NAALADL2: variants seen among roughly 807,000 people sequenced by gnomAD.
The protein encoded by NAALADL2 is N-acetylated alpha-linked acidic dipeptidase like 2.
In NAALADL2, 76 loss-of-function variants were observed where a neutral mutation model predicts 87.2. The ratio of observed to expected loss-of-function variants is 0.87; its 90% confidence interval spans 0.72 to 1.05. The LOEUF (loss-of-function observed/expected upper bound fraction) is 1.05. Ranked by LOEUF, NAALADL2 falls within the 50% of genes least tolerant of loss-of-function variation. The pLI, the probability that NAALADL2 is intolerant of heterozygous loss-of-function variation, is 0.00. For missense variants in NAALADL2, 1,089 were observed against 945.8 expected (o/e 1.15, Z -1.99); for synonymous variants, 354 against 331.0 (o/e 1.07, Z -0.75).
chr3:175,131,830 C>G lies in NAALADL2; in HGVS notation c.545+34539C>G, dbSNP rs1454052594. Among the ~76,000 whole-genome samples the G allele has an allele frequency of 8.3e-5, 11 of 131,872 alleles. No homozygotes were observed. In the East Asian group the frequency reaches 2.3e-3, roughly 27 times the overall value. The allele number at this position is 131,872 out of a possible 152,430, so 86.5% of individuals were successfully genotyped here. On this transcript the variant is annotated intron_variant, in intron 2 of 13. Transcript: ENST00000454872. Reference sequence around the variant, plus strand: ...CTGGCCGGGCGGGGGGCTGACCCCCCCCACCTCCCTCCCGGACGGGGCGGC... The same window carrying G: ...CTGGCCGGGCGGGGGGCTGACCCCCGCCACCTCCCTCCCGGACGGGGCGGC...
chr3:174,781,109 CA>C (rs1030776156), intron 3 of NAALADL2, among the ~76,000 whole-genome samples: 1 of 152,034 alleles, frequency 6.6e-6, no homozygotes, highest in African/African-American at 2.4e-5. Context: ...TATTGGCCCC[CA>C]CTCTCTTCTG....
At chr3:175,292,146 T>A (rs1426258727) in intron 4 of NAALADL2, among the ~76,000 whole-genome samples, 1 of 152,222 alleles carries the variant, frequency 6.6e-6, no homozygotes, top group African/African-American at 2.4e-5. Context: ...GTTTGTCATT[T>A]GAGTAAATGC....
chr3:175,007,858 C>T (rs1038897480), intron 1 of NAALADL2, among the ~76,000 whole-genome samples: 4 of 152,136 alleles, frequency 2.6e-5, no homozygotes, highest in African/African-American at 9.7e-5. Context: ...ATCGTCACTA[C>T]TGTTATGCTT....
intron 1 of NAALADL2, among the ~76,000 whole-genome samples, chr3:175,012,001 A>C (rs1749890200): frequency 6.6e-6 from 1 of 152,158 alleles, no homozygotes; most frequent in African/African-American, 2.4e-5. Context: ...AATCTTTAGG[A>C]AAAGCACAAG....
intron 1 of NAALADL2, among the ~76,000 whole-genome samples, chr3:175,039,726 TTCTA>T (rs2108961259): frequency 6.6e-6 from 1 of 152,296 alleles, no homozygotes; most frequent in African/African-American, 2.4e-5. Flanking sequence ...GTGTAGGAAA[TTCTA>T]TCTGTGAAGG....
At chr3:175,604,720 A>C (rs2149651284) in intron 10 of NAALADL2, among the ~76,000 whole-genome samples, 1 of 152,298 alleles carries the variant, frequency 6.6e-6, no homozygotes, top group East Asian at 1.9e-4. Context: ...TGCCTGAACC[A>C]CTATCTATAT....
chr3:174,601,360 T>C (rs1035856968), intron 2 of NAALADL2, among the ~76,000 whole-genome samples: 2 of 152,146 alleles, frequency 1.3e-5, no homozygotes, highest in Non-Finnish European at 2.9e-5. Context: ...TGCTATCTCA[T>C]TGTAGTTTTT....
At chr3:175,313,066 A>G (rs1235652725) in intron 4 of NAALADL2, among the ~76,000 whole-genome samples, 6 of 152,160 alleles carry the variant, frequency 3.9e-5, no homozygotes. Context: ...GTTTCTCCTA[A>G]GGCCTTTCTC....
At chr3:175,466,657 C>T (rs562323933) in intron 7 of NAALADL2, among the ~76,000 whole-genome samples, 1 of 152,222 alleles carries the variant, frequency 6.6e-6, no homozygotes, top group Non-Finnish European at 1.5e-5. Context: ...CAGGGCACTT[C>T]CCACTCTGAG....
chr3:175,364,409 A>C (rs575615647), intron 5 of NAALADL2, among the ~76,000 whole-genome samples: 1 of 147,972 alleles, frequency 6.8e-6, no homozygotes, highest in Admixed American at 6.9e-5. Context: ...GAAATGTAGC[A>C]AATTTCAGGT....
chr3:175,357,650 A>C lies in NAALADL2; in HGVS notation c.1090+33325A>C, dbSNP rs76291497. On this transcript the variant is annotated intron_variant, in intron 5 of 13. Transcript: ENST00000454872. ...TATATGCAACAAACACACAAATATC[A>C]AATGGCTCATAGTTCTGAACCTAAC... Among the ~76,000 whole-genome samples the C allele has an allele frequency of 1.4e-3, 210 of 152,304 alleles. 1 individual carries two copies. Among genetic ancestry groups the C allele is most frequent in the African/African-American group, 4.8e-3 (199 of 41,582 alleles).
chr3:174,840,587 A>G (rs898355325), intron 3 of NAALADL2, among the ~76,000 whole-genome samples: 17 of 152,136 alleles, frequency 1.1e-4, no homozygotes, highest in Non-Finnish European at 1.9e-4. Flanking sequence ...AGTTGTTCAC[A>G]TGTTGTGAGC....
chr3:174,462,890 T>G (rs1716296998), intron 1 of NAALADL2, among the ~76,000 whole-genome samples: 1 of 152,216 alleles, frequency 6.6e-6, no homozygotes, highest in Non-Finnish European at 1.5e-5. Flanking sequence ...ATAAAAATGA[T>G]AATTCAGTAA....
At chr3:175,040,413 G>C (rs535072540) in intron 1 of NAALADL2, among the ~76,000 whole-genome samples, 1 of 152,290 alleles carries the variant, frequency 6.6e-6, no homozygotes, top group Non-Finnish European at 1.5e-5. Flanking sequence ...AAGAGGACTG[G>C]ACCTGCAATT....
At chr3:175,221,601 T>C (rs1395186812) in intron 2 of NAALADL2, among the ~76,000 whole-genome samples, 1 of 152,158 alleles carries the variant, frequency 6.6e-6, no homozygotes, top group African/African-American at 2.4e-5. Flanking sequence ...AAGTTTTGCT[T>C]TATAAGTTGT....
At chr3:174,706,342 A>G (rs537111578) in intron 2 of NAALADL2, among the ~76,000 whole-genome samples, 1 of 152,244 alleles carries the variant, frequency 6.6e-6, no homozygotes, top group Non-Finnish European at 1.5e-5. Context: ...AGGTAGAACC[A>G]TAAAACATTT....
In NAALADL2 at chr3:174,674,498, A is replaced by C. The variant is rs528077417; in HGVS notation, c.-114-63143A>C. On this transcript the variant is annotated intron_variant, in intron 2 of 3. Transcript: ENST00000434257. ...AAGGGATGATGTCCCATTTCTACTC[A>C]ACCACTCTTCCTTTTTTTTTTCCAC... Among the ~76,000 whole-genome samples, 12 of 151,720 alleles carry C rather than the reference A, an allele frequency of 7.9e-5. No homozygotes were observed. In the South Asian group the frequency reaches 2.5e-3, roughly 31 times the overall value.
At chr3:174,463,225 A>G (rs995892349) in intron 1 of NAALADL2, among the ~76,000 whole-genome samples, 1 of 152,198 alleles carries the variant, frequency 6.6e-6, no homozygotes, top group Non-Finnish European at 1.5e-5. Context: ...GGGAAGAACC[A>G]GCAGGACTGC....
At chr3:175,177,674 T>C (rs1470291423) in intron 2 of NAALADL2, among the ~76,000 whole-genome samples, 2 of 152,090 alleles carry the variant, frequency 1.3e-5, no homozygotes, top group African/African-American at 4.8e-5. Flanking sequence ...TTATTTCAGG[T>C]AACAACAAAA....
Sources: allele counts gnomAD v4.1 joint callset (sites outside exome capture counted in the v4.1 genomes callset), GRCh38; gene constraint gnomAD v4.1.1; transcripts MANE v1.5; gene names NCBI Gene and HGNC (gene_info 2026-07-23, HGNC 2026-07-21).